Variants in TEC observed in about 807,000 individuals in gnomAD.
TEC encodes tyrosine-protein kinase Tec.
Under a neutral mutation model 93.0 loss-of-function variants are expected in TEC, and 72 were observed. The ratio of observed to expected loss-of-function variants is 0.77; its 90% CI spans 0.64 to 0.94. The LOEUF (loss-of-function observed/expected upper bound fraction) is 0.94. TEC is among the 40% of genes least tolerant of loss of function. TEC has a pLI of 0.00. For synonymous variants in TEC, 249 were observed against 247.7 expected (o/e 1.01, Z -0.05); for missense variants, 630 against 757.9 (o/e 0.83, Z 1.98).
At chr4:48,164,849 A>G (rs1196553939) in intron 7 of TEC, among the ~76,000 whole-genome samples, 1 of 152,128 alleles carries the variant, frequency 6.6e-6, no homozygotes, top group Non-Finnish European at 1.5e-5. Flanking sequence ...TAAAAAATAC[A>G]AAAATTAGCT....
At chr4:48,236,262 C>G (rs1577662954) in intron 1 of TEC, among the ~76,000 whole-genome samples, 1 of 152,120 alleles carries the variant, frequency 6.6e-6, no homozygotes, top group Admixed American at 6.5e-5. Context: ...CTAGCCGTTA[C>G]TAAGGATTAC....
At chr4:48,193,016 A>G (rs1242499137) in intron 2 of TEC, among the ~76,000 whole-genome samples, 2 of 152,090 alleles carry the variant, frequency 1.3e-5, no homozygotes, top group African/African-American at 4.8e-5. Context: ...GTGCCCAATA[A>G]CTTTGTTGAA....
intron 2 of TEC, among the ~76,000 whole-genome samples, chr4:48,219,789 C>T (rs1462280027): frequency 2.0e-5 from 3 of 152,158 alleles, no homozygotes; most frequent in Non-Finnish European, 4.4e-5. Flanking sequence ...CCCAGCCATT[C>T]GGGGCCACTA....
intron 2 of TEC, 23 bp from the exon 3 acceptor site, chr4:48,176,209 A>G: frequency 6.4e-7 from 1 of 1,553,768 alleles, no homozygotes; most frequent in Non-Finnish European, 8.9e-7. Flanking sequence ...AAAAAGGAGA[A>G]ACATTAGAAT....
At chr4:48,251,335 C>T (rs1026518138) in intron 1 of TEC, among the ~76,000 whole-genome samples, 2 of 152,144 alleles carry the variant, frequency 1.3e-5, no homozygotes, top group Non-Finnish European at 2.9e-5. Context: ...CTCCTCCCCA[C>T]CCATTTCTCT....
intron 10 of TEC, 69 bp downstream of exon 10, chr4:48,150,794 C>A: frequency 1.8e-6 from 2 of 1,083,668 alleles, no homozygotes; most frequent in Non-Finnish European, 2.6e-6. Context: ...AATTAGGAAT[C>A]CATATAAACT....
chr4:48,223,111 A>C (rs538021917), intron 2 of TEC, among the ~76,000 whole-genome samples: 2 of 151,466 alleles, frequency 1.3e-5, no homozygotes, highest in South Asian at 4.2e-4. Flanking sequence ...AAATTTAAAA[A>C]TTAATTTGAA....
At chr4:48,166,116 T>C (rs2109539604) in intron 7 of TEC, among the ~76,000 whole-genome samples, 1 of 152,270 alleles carries the variant, frequency 6.6e-6, no homozygotes, top group East Asian at 1.9e-4. Context: ...TCACTGAGGC[T>C]GAAGGTGTGG....
At chr4:48,139,100 C>T (rs1719556367) in intron 15 of TEC, 78 bp from the exon 16 acceptor site, 3 of 1,305,252 alleles carry the variant, frequency 2.3e-6, no homozygotes, top group African/African-American at 1.5e-5. Context: ...TTTTTTTCCC[C>T]TTGCAATCAA....
intron 1 of TEC, 46 bp from the exon 2 acceptor site, chr4:48,228,705 T>C: frequency 6.7e-7 from 1 of 1,482,148 alleles, no homozygotes; most frequent in Non-Finnish European, 9.0e-7. Flanking sequence ...TTTAATTTTC[T>C]ATGGATGTTG....
intron 1 of TEC, among the ~76,000 whole-genome samples, chr4:48,253,802 C>A (rs10805167): frequency 6.6e-6 from 1 of 151,988 alleles, no homozygotes; most frequent in African/African-American, 2.4e-5. Context: ...CTTGAACTCC[C>A]GACCTCAGGT....
At chr4:48,166,886 G>C (rs1046457392) in intron 7 of TEC, among the ~76,000 whole-genome samples, 7 of 151,672 alleles carry the variant, frequency 4.6e-5, no homozygotes, top group African/African-American at 1.5e-4. Context: ...GCCTAAACTA[G>C]AGGTTTCCAC....
chr4:48,175,966 A>G (rs1367509024), intron 3 of TEC, 116 bp downstream of exon 3: 2 of 727,364 alleles, frequency 2.7e-6, no homozygotes, highest in African/African-American at 3.7e-5. Context: ...CACAACTATT[A>G]AAGTGGCAAA....
At chr4:48,165,870 CTG>C (rs1720854328) in intron 7 of TEC, among the ~76,000 whole-genome samples, 1 of 152,168 alleles carries the variant, frequency 6.6e-6, no homozygotes, top group Admixed American at 6.5e-5. Flanking sequence ...ATCGGGGAAA[CTG>C]GAATTACATA....
At chr4:48,213,133 A>G (rs1722967594) in intron 2 of TEC, among the ~76,000 whole-genome samples, 1 of 152,250 alleles carries the variant, frequency 6.6e-6, no homozygotes. Context: ...AGCAATGCCT[A>G]TGTGATTGCT....
chr4:48,238,945 G>C (rs1723858953), intron 1 of TEC, among the ~76,000 whole-genome samples: 1 of 152,108 alleles, frequency 6.6e-6, no homozygotes. Context: ...AAACAAGATG[G>C]AGCCTGATCC....
At chr4:48,207,852 T>C (rs1488577716) in intron 2 of TEC, among the ~76,000 whole-genome samples, 1 of 152,194 alleles carries the variant, frequency 6.6e-6, no homozygotes, top group Admixed American at 6.5e-5. Context: ...TTAACTCCTT[T>C]CCCTTATTGC....
chr4:48,140,094 T>C (rs188767179), intron 15 of TEC, among the ~76,000 whole-genome samples: 36 of 152,306 alleles, frequency 2.4e-4, no homozygotes, highest in Non-Finnish European at 4.6e-4. Flanking sequence ...ATAAAGAGCA[T>C]TGGGTAATTA....
chr4:48,251,539 C>A (rs1340160428), intron 1 of TEC, among the ~76,000 whole-genome samples: 1 of 152,136 alleles, frequency 6.6e-6, no homozygotes, highest in Non-Finnish European at 1.5e-5. Context: ...GTGCACTCTC[C>A]CCACTGGTTG....
Sources: gnomAD v4.1 joint callset for allele counts (sites outside exome capture counted in the v4.1 genomes callset) on GRCh38, gnomAD v4.1.1 for gene constraint, MANE v1.5 for transcripts, NCBI Gene and HGNC (gene_info 2026-07-23, HGNC 2026-07-21) for gene names.